The following TXNDC5 variants were observed in gnomAD, a reference collection of about 807,000 sequenced individuals.
TXNDC5 encodes the protein thioredoxin domain containing 5.
A neutral mutation model predicts 52.6 loss-of-function variants in TXNDC5; 44 were observed. The ratio of observed to expected loss-of-function variants is 0.84; its 90% CI spans 0.66 to 1.08. The LOEUF (loss-of-function observed/expected upper bound fraction) is 1.08, where lower values mean the gene tolerates loss of function less well. Among genes scored for constraint, TXNDC5 ranks in the 50% least tolerant of loss-of-function variants. The pLI is 0.00. For missense variants in TXNDC5, 600 were observed against 565.5 expected (o/e 1.06, Z -0.62); for synonymous variants, 241 against 234.4 (o/e 1.03, Z -0.26).
In TXNDC5 at chr6:7,899,639, C is replaced by G. The variant is rs1234699550; in HGVS notation, c.456G>C (p.Gln152His). The change falls in exon 3 of 10, where the codon CAG (glutamine) becomes CAC (histidine). Residue 152 changes from glutamine to histidine, a missense_variant. By Grantham distance (24) the Gln-to-His change is conservative (BLOSUM62 0). Transcript: ENST00000379757. ...CCAGTGTCTGGAAGTCCCGAGGACCCTGGTACTTCACAGCTTCTTGGCCTG... is the reference window on the plus strand; with the variant it reads ...CCAGTGTCTGGAAGTCCCGAGGACCGTGGTACTTCACAGCTTCTTGGCCTG... ...FKPGQEAVKY[Q>H]GPRDFQTLEN... The G allele has an allele frequency of 1.9e-6, 3 of 1,614,104 alleles. No homozygotes were observed. The highest frequency in any genetic ancestry group is 2.5e-6 in the Non-Finnish European group (3 of 1,180,016).
At chr6:7,907,104 G>A (rs1760761235) in intron 1 of TXNDC5, among the ~76,000 whole-genome samples, 1 of 151,878 alleles carries the variant, frequency 6.6e-6, no homozygotes, top group South Asian at 2.1e-4. Flanking sequence ...GCTCATTCTG[G>A]AACTTTAGAA....
intron 1 of TXNDC5, among the ~76,000 whole-genome samples, chr6:7,906,238 T>C (rs1760723359): frequency 6.8e-6 from 1 of 147,728 alleles, no homozygotes; most frequent in African/African-American, 2.5e-5. Flanking sequence ...TTTTGTCTCT[T>C]AAGAAAAAAA....
intron 1 of TXNDC5, among the ~76,000 whole-genome samples, chr6:7,908,153 C>T (rs969568032): frequency 6.6e-6 from 1 of 151,848 alleles, no homozygotes; most frequent in African/African-American, 2.4e-5. Context: ...CGTGGTGGCA[C>T]GCACCTGTAG....
intron 7 of TXNDC5, 78 bp downstream of exon 7, chr6:7,888,627 A>C (rs1234218152): frequency 8.8e-6 from 13 of 1,483,268 alleles, no homozygotes; most frequent in African/African-American, 4.6e-5. Context: ...GCATTTGAGG[A>C]GGCCTCTGAG....
chr6:7,889,314 T>C (rs1211827664), intron 6 of TXNDC5, 181 bp downstream of exon 6: 2 of 573,176 alleles, frequency 3.5e-6, no homozygotes, highest in East Asian at 2.9e-5. Context: ...TCAAGGTTCA[T>C]CTCCACAACC....
At chr6:7,885,884 G>T (rs754357592) in intron 8 of TXNDC5, 77 bp downstream of exon 8, 34 of 1,322,180 alleles carry the variant, frequency 2.6e-5, no homozygotes, top group Non-Finnish European at 3.5e-5. Flanking sequence ...AGTCTGGAGG[G>T]GTGGCAGATG....
In TXNDC5 at chr6:7,886,160, C is replaced by A. The variant is rs138324234; in HGVS notation, c.964-117G>T. ...TTTTAAAAATGCAGTTACGTAGGCTCCAAGGTCACACAGAAATACCTACAC... is the reference window on the plus strand; with the variant it reads ...TTTTAAAAATGCAGTTACGTAGGCTACAAGGTCACACAGAAATACCTACAC... On this transcript the variant is annotated intron_variant, in intron 7 of 9. Transcript: ENST00000379757. 5.6e-3 allele frequency: 4,451 copies of A among 794,036 alleles called. 18 individuals carry two copies. The highest frequency in any genetic ancestry group is 7.7e-3 in the Middle Eastern group (33 of 4,288). 49.2% of individuals were successfully genotyped at this position (794,036 alleles called of 1,614,324 possible). A position where few individuals can be genotyped will look rare whatever the true frequency, so the allele number is the denominator to read the frequency against.
At chr6:7,896,605 C>T (rs968741592) in intron 3 of TXNDC5, among the ~76,000 whole-genome samples, 17 of 152,166 alleles carry the variant, frequency 1.1e-4, no homozygotes, top group Non-Finnish European at 2.4e-4. Context: ...CTGCTGCCAG[C>T]GCGTCAAGAC....
chr6:7,889,437 C>T lies in TXNDC5; in HGVS notation c.819+58G>A, dbSNP rs965773260. On this transcript the variant is annotated intron_variant, in intron 6 of 9. Coordinates refer to ENST00000379757, the MANE Select transcript of TXNDC5 (RefSeq NM_030810.5). ...CTGTGCCCATTAAACCACTCAGTAGCTCAGCCTGATGGGGTTAAGAGATGA... is the reference window on the plus strand; with the variant it reads ...CTGTGCCCATTAAACCACTCAGTAGTTCAGCCTGATGGGGTTAAGAGATGA... 5.3e-6 allele frequency: 8 copies of T among 1,514,140 alleles called. No individual in the cohort carries two copies. The Admixed American group carries it at 1.2e-4, about 23-fold the overall frequency. 93.8% of individuals were successfully genotyped at this position (1,514,140 alleles called of 1,614,324 possible).
chr6:7,883,991 G>C (rs1412649463), intron 9 of TXNDC5, among the ~76,000 whole-genome samples: 1 of 151,580 alleles, frequency 6.6e-6, no homozygotes, highest in Non-Finnish European at 1.5e-5. Context: ...TGGCTTATGT[G>C]TGAAAAATGA....
intron 9 of TXNDC5, 106 bp from the exon 10 acceptor site, chr6:7,883,372 T>C (rs1317922669): frequency 8.5e-6 from 13 of 1,535,032 alleles, no homozygotes; most frequent in Non-Finnish European, 1.1e-5. Context: ...CTGGAAAAAT[T>C]CTGTGGCTAA....
At chr6:7,883,818 A>G (rs574628792) in intron 9 of TXNDC5, among the ~76,000 whole-genome samples, 2 of 152,306 alleles carry the variant, frequency 1.3e-5, no homozygotes, top group South Asian at 4.1e-4. Context: ...AATAACAAAG[A>G]AGAAAAAAAA....
chr6:7,897,540 A>G (rs770918267), intron 3 of TXNDC5, among the ~76,000 whole-genome samples: 5 of 152,152 alleles, frequency 3.3e-5, no homozygotes, highest in Non-Finnish European at 7.3e-5. Context: ...ATTGCTGGAG[A>G]CACTAAAATA....
At chr6:7,883,360 G>A in intron 9 of TXNDC5, 94 bp from the exon 10 acceptor site, 1 of 1,571,340 alleles carries the variant, frequency 6.4e-7, no homozygotes, top group Non-Finnish European at 8.6e-7. Context: ...CTACCGTTGT[G>A]GCTGGAAAAA....
intron 2 of TXNDC5, among the ~76,000 whole-genome samples, chr6:7,903,348 A>G (rs1411563056): frequency 6.6e-6 from 1 of 152,264 alleles, no homozygotes; most frequent in Non-Finnish European, 1.5e-5. Context: ...CACTTACATT[A>G]GCAAGCAGTC....
intron 7 of TXNDC5, among the ~76,000 whole-genome samples, chr6:7,887,579 AG>A (rs1203460512): frequency 6.6e-6 from 1 of 152,118 alleles, no homozygotes; most frequent in Non-Finnish European, 1.5e-5. Context: ...CTGCAGCATG[AG>A]GGAACGCATC....
chr6:7,910,178 T>C (rs1760868158), intron 1 of TXNDC5: 3 of 983,628 alleles, frequency 3.0e-6, no homozygotes, highest in Admixed American at 6.1e-5. Context: ...CAGCCGCCAG[T>C]GCCCGGCCCG....
chr6:7,908,298 A>AC, intron 1 of TXNDC5, among the ~76,000 whole-genome samples: 1 of 151,692 alleles, frequency 6.6e-6, no homozygotes, highest in East Asian at 1.9e-4. Flanking sequence ...AAAAAAAAAA[A>AC]AAAAAAGTAA....
intron 1 of TXNDC5, chr6:7,909,856 G>A (rs759726587): frequency 1.6e-5 from 16 of 985,890 alleles, no homozygotes; most frequent in Non-Finnish European, 1.8e-5. Context: ...GGAAGGGGAC[G>A]TGCCCGCAGT....
Sources: gnomAD v4.1 joint callset for allele counts (sites outside exome capture counted in the v4.1 genomes callset) on GRCh38, gnomAD v4.1.1 for gene constraint, MANE v1.5 for transcripts, NCBI Gene and HGNC (gene_info 2026-07-23, HGNC 2026-07-21) for gene names.